PRRG4: variants seen among roughly 807,000 people sequenced by gnomAD.
PRRG4 encodes the protein transmembrane gamma-carboxyglutamic acid protein 4.
A neutral mutation model predicts 20.0 loss-of-function variants in PRRG4; 12 were observed. The ratio of observed to expected loss-of-function variants is 0.60; its 90% CI spans 0.38 to 0.97. The LOEUF is 0.97. Among genes scored for constraint, PRRG4 ranks in the 50% least tolerant of loss-of-function variants. PRRG4 has a pLI of 0.00. For missense variants in PRRG4, 199 were observed against 265.1 expected (o/e 0.75, Z 1.73); for synonymous variants, 94 against 96.4 (o/e 0.98, Z 0.15).
rs772438228 is a variant in PRRG4, at chr11:32,854,141, A to G, written c.*614A>G. On this transcript the variant is annotated 3_prime_UTR_variant, in exon 6 of 6. Coordinates refer to ENST00000257836, the MANE Select transcript of PRRG4 (RefSeq NM_024081.6). Reference sequence around the variant, plus strand: ...AATGTTTGTTTTAATGGTTCAAAAAAAATCTTTCTTATAAAGAGCATAGGT... The same window carrying G: ...AATGTTTGTTTTAATGGTTCAAAAAGAATCTTTCTTATAAAGAGCATAGGT... 6 of 152,540 alleles carry G rather than the reference A, an allele frequency of 3.9e-5. No homozygotes were observed. Among genetic ancestry groups the G allele is most frequent in the Non-Finnish European group, 8.8e-5 (6 of 68,268 alleles). 9.4% of individuals were successfully genotyped at this position (152,540 alleles called of 1,614,324 possible).
intron 4 of PRRG4, among the ~76,000 whole-genome samples, chr11:32,839,197 G>A (rs1475749059): frequency 3.9e-5 from 6 of 152,178 alleles, no homozygotes; most frequent in Non-Finnish European, 7.4e-5. Context: ...GTCAAGACTT[G>A]CACAGAATAA....
At chr11:32,837,523 G>T (rs573027002) in intron 3 of PRRG4, among the ~76,000 whole-genome samples, 1 of 107,320 alleles carries the variant, frequency 9.3e-6, no homozygotes, top group African/African-American at 3.8e-5. Flanking sequence ...TGATGATGAT[G>T]ATGATGATGA....
At chr11:32,844,514 A>T (rs1590674513) in intron 5 of PRRG4, among the ~76,000 whole-genome samples, 1 of 121,578 alleles carries the variant, frequency 8.2e-6, no homozygotes, top group Non-Finnish European at 1.7e-5. Context: ...TATTATTATT[A>T]TTTTGAGACG....
intron 2 of PRRG4, among the ~76,000 whole-genome samples, chr11:32,831,906 A>C (rs1290250894): frequency 1.3e-5 from 2 of 152,032 alleles, no homozygotes; most frequent in Non-Finnish European, 2.9e-5. Context: ...CTATAATCCC[A>C]GCTACCCGGG....
At chr11:32,846,387 C>G (rs927072037) in intron 5 of PRRG4, among the ~76,000 whole-genome samples, 7 of 151,958 alleles carry the variant, frequency 4.6e-5, no homozygotes, top group African/African-American at 9.7e-5. Flanking sequence ...ATGGCAGCCA[C>G]GAATTTACAT....
At chr11:32,852,153 T>C (rs1053113713) in intron 5 of PRRG4, among the ~76,000 whole-genome samples, 1 of 152,052 alleles carries the variant, frequency 6.6e-6, no homozygotes, top group Non-Finnish European at 1.5e-5. Context: ...GAAAAGATGA[T>C]ATTTGGAGAA....
At position 32,840,162 on chromosome 11, in the gene PRRG4, T is replaced by C. The variant is rs370009155; in HGVS notation, c.372T>C (p.Ala124=). 5.3e-5 allele frequency: 86 copies of C among 1,608,106 alleles called. No homozygotes were observed. In the African/African-American group the frequency reaches 1.1e-3, roughly 20 times the overall value. The change falls in exon 5 of 6, where the codon GCT becomes GCC. Residue 124 remains alanine, a synonymous_variant. Transcript: ENST00000257836. The surrounding 1 kb of genome is among the most constrained non-coding windows in gnomAD (Gnocchi z 4.1). ...GCCTTCTGACTGGATTAATTGCTGC[T>C]GGAGTATTTTTGGTTATTTTTGGAT... ...VMGLLTGLIA[A]GVFLVIFGLL... is the part of the protein sequence containing the mutation.
chr11:32,848,264 AT>A (rs1851148921), intron 5 of PRRG4, among the ~76,000 whole-genome samples: 1 of 152,182 alleles, frequency 6.6e-6, no homozygotes, highest in South Asian at 2.1e-4. Flanking sequence ...ACCCCTTCTT[AT>A]AGCAGCATTA....
In PRRG4 at chr11:32,853,447, G is replaced by C; in HGVS notation, c.601G>C (p.Val201Leu). Residue 201 changes from valine to leucine, a missense_variant, in exon 6 of 6, where the codon GTT becomes CTT. By Grantham distance (32) the Val-to-Leu change is conservative (BLOSUM62 1). Coordinates refer to ENST00000257836, the MANE Select transcript of PRRG4 (RefSeq NM_024081.6). ...QAVALTRKHS[V>L]SPPPPYPGHT... is the part of the protein sequence containing the mutation. ...AGTGGCGCTGACCAGAAAACACAGT[G>C]TTTCACCACCACCACCATATCCTGG... 1 of 1,614,046 alleles carries C rather than the reference G, an allele frequency of 6.2e-7. No individual in the cohort carries two copies. Among genetic ancestry groups the C allele is most frequent in the Non-Finnish European group, 8.5e-7 (1 of 1,179,992 alleles).
chr11:32,853,581 G>A lies in PRRG4; in HGVS notation c.*54G>A. The A allele has an allele frequency of 7.2e-7, 1 of 1,389,864 alleles. No individual in the cohort carries two copies. The highest frequency in any genetic ancestry group is 1.0e-6 in the Non-Finnish European group (1 of 991,150). The allele number at this position is 1,389,864 out of a possible 1,614,324, so 86.1% of individuals were successfully genotyped here. A position where few individuals can be genotyped will look rare whatever the true frequency, so the allele number is the denominator to read the frequency against. ...TGTGTTATTTGATAGGCCGGGCATG[G>A]TGGCTCATGCCTGTAATCCCAGCAC... On this transcript the variant is annotated 3_prime_UTR_variant, in exon 6 of 6. Coordinates refer to ENST00000257836, the MANE Select transcript of PRRG4 (RefSeq NM_024081.6).
At chr11:32,851,294 A>G (rs1248587056) in intron 5 of PRRG4, among the ~76,000 whole-genome samples, 1 of 152,176 alleles carries the variant, frequency 6.6e-6, no homozygotes, top group Admixed American at 6.5e-5. Context: ...CCATACATTA[A>G]ATTTTGAAAG....
rs941265108 is a variant in PRRG4 at position 32,830,567 on chromosome 11, C to A, written c.38C>A (p.Thr13Lys). The change falls in exon 2 of 6, where the codon ACA becomes AAA. Residue 13 changes from threonine (T) to lysine (K), a missense_variant. Physicochemically the swap from Thr to Lys is moderately conservative, Grantham distance 78. Transcript: ENST00000257836. The stretch of plus-strand genomic sequence containing the variant: ...CTGGTTCTACTCAGCCAACTGCCCA[C>A]AGTTACCCTGGGGTTTCCTCATTGC... ...TLLVLLSQLP[T>K]VTLGFPHCAR... is the part of the protein sequence containing the mutation. 6.2e-7 allele frequency: 1 copy of A among 1,608,976 alleles called. No individual in the cohort carries two copies. The highest frequency in any genetic ancestry group is 1.3e-5 in the African/African-American group (1 of 74,718).
intron 5 of PRRG4, among the ~76,000 whole-genome samples, chr11:32,842,484 G>C (rs1034899938): frequency 1.3e-5 from 2 of 152,128 alleles, no homozygotes; most frequent in African/African-American, 2.4e-5. Flanking sequence ...ATTTTGGAAG[G>C]CCAAGCCGGG....
At chr11:32,835,882 T>C (rs1851015257) in intron 2 of PRRG4, among the ~76,000 whole-genome samples, 1 of 152,032 alleles carries the variant, frequency 6.6e-6, no homozygotes, top group African/African-American at 2.4e-5. Context: ...GGTGGGTGGA[T>C]CATGAGGTCA....
Position 32,858,029 on chromosome 11 carries a change from T to C in PRRG4, c.*4502T>C, listed in dbSNP as rs112233605. On this transcript the variant is annotated 3_prime_UTR_variant, in exon 6 of 6. Transcript: ENST00000257836. ...AAAAGCAACCCATTTTCTAAATTCATATTTTTCCTAAAACTTTACTATGTT... is the reference window on the plus strand; with the variant it reads ...AAAAGCAACCCATTTTCTAAATTCACATTTTTCCTAAAACTTTACTATGTT... 300 of 152,292 alleles carry C rather than the reference T, an allele frequency of 2.0e-3. 1 individual carries two copies. Among genetic ancestry groups the C allele is most frequent in the African/African-American group, 6.6e-3 (275 of 41,586 alleles). The allele number at this position is 152,292 out of a possible 1,614,324, so 9.4% of individuals were successfully genotyped here.
chr11:32,837,541 G>GATTATTATT (rs35934196), intron 3 of PRRG4, among the ~76,000 whole-genome samples: 91 of 95,848 alleles, frequency 9.5e-4, no homozygotes, highest in Middle Eastern at 0.011. Flanking sequence ...TGATGATGAT[G>GATTATTATT]ATTATTATTA....
At chr11:32,836,463 G>C (rs1252759099) in intron 2 of PRRG4, among the ~76,000 whole-genome samples, 195 bp from the exon 3 acceptor site, 1 of 152,064 alleles carries the variant, frequency 6.6e-6, no homozygotes, top group African/African-American at 2.4e-5. Flanking sequence ...TGCTAACTTT[G>C]TATTTCACAT....
chr11:32,838,878 T>A lies in PRRG4; in HGVS notation c.268-4T>A, dbSNP rs1435230034. On this transcript the variant is annotated splice_polypyrimidine_tract_variant and splice_region_variant and intron_variant, in intron 3 of 5. Coordinates refer to ENST00000257836, the MANE Select transcript of PRRG4 (RefSeq NM_024081.6). ...TAAACTTGGGAATTTTACCTTTTTTTTAGATTGCATTTTGGCAGGAATATT... is the reference window on the plus strand; with the variant it reads ...TAAACTTGGGAATTTTACCTTTTTTATAGATTGCATTTTGGCAGGAATATT... 1 of 1,605,736 alleles carries A rather than the reference T, an allele frequency of 6.2e-7. No homozygotes were observed. The highest frequency in any genetic ancestry group is 1.3e-5 in the African/African-American group (1 of 74,768).
At chr11:32,843,031 C>CG (rs1851093877) in intron 5 of PRRG4, among the ~76,000 whole-genome samples, 2 of 151,718 alleles carry the variant, frequency 1.3e-5, no homozygotes, top group Non-Finnish European at 2.9e-5. Flanking sequence ...TTTGTAGAGA[C>CG]GGGGTTTCAC....
Sources: allele counts gnomAD v4.1 joint callset (sites outside exome capture counted in the v4.1 genomes callset), GRCh38; gene constraint gnomAD v4.1.1; non-coding constraint Gnocchi (gnomAD v3.1); transcripts MANE v1.5; gene names NCBI Gene and HGNC (gene_info 2026-07-23, HGNC 2026-07-21).